MAK: variants seen among roughly 807,000 people sequenced by gnomAD.
MAK encodes male germ cell associated kinase, also known as serine/threonine-protein kinase MAK.
In MAK, 65 loss-of-function variants were observed where a neutral mutation model predicts 82.6. The ratio of observed to expected loss-of-function variants is 0.79; its 90% CI spans 0.64 to 0.97. The LOEUF (loss-of-function observed/expected upper bound fraction) is 0.97. MAK is among the 50% of genes least tolerant of loss of function. The pLI, the probability that MAK is intolerant of heterozygous loss-of-function variation, is 0.00. For missense variants in MAK, 703 were observed against 780.2 expected, an observed-to-expected ratio of 0.90 and a Z score of 1.18; for synonymous variants, 250 against 274.2, an observed-to-expected ratio of 0.91 and a Z score of 0.87.
chr6:10,810,919 C>T (rs1001113926), intron 5 of MAK, among the ~76,000 whole-genome samples: 2 of 152,112 alleles, frequency 1.3e-5, no homozygotes, highest in African/African-American at 2.4e-5. Flanking sequence ...TGAGGTTTTC[C>T]CCATCCTAAT....
chr6:10,835,168 G>C (rs1779074178), intron 1 of MAK, among the ~76,000 whole-genome samples: 1 of 152,200 alleles, frequency 6.6e-6, no homozygotes, highest in Admixed American at 6.5e-5. Flanking sequence ...TCTAACCTAA[G>C]CTCTTAAGAG....
chr6:10,764,669 G>T (rs886760970), intron 14 of MAK, 63 bp from the exon 15 acceptor site: 19 of 1,403,164 alleles, frequency 1.4e-5, no homozygotes, highest in East Asian at 9.1e-5. Context: ...TCAAAATAAA[G>T]AAATTCATCC....
chr6:10,779,282 G>T, intron 11 of MAK: 1 of 938,254 alleles, frequency 1.1e-6, no homozygotes, highest in Non-Finnish European at 1.3e-6. Context: ...ATTGCATACT[G>T]TATTTGCAAC....
intron 5 of MAK, among the ~76,000 whole-genome samples, chr6:10,812,693 T>TAA (rs936176917): frequency 1.3e-5 from 2 of 151,954 alleles, no homozygotes; most frequent in Admixed American, 1.3e-4. Context: ...TGACTGAGAC[T>TAA]AAAGGCTGAT....
At chr6:10,813,015 C>G (rs1348840030) in intron 5 of MAK, among the ~76,000 whole-genome samples, 12 of 139,216 alleles carry the variant, frequency 8.6e-5, no homozygotes, top group African/African-American at 2.4e-4. Context: ...TCCCCCCCCC[C>G]GCCTCGGCCT....
chr6:10,784,956 G>A (rs1227201712), intron 10 of MAK: 1 of 462,892 alleles, frequency 2.2e-6, no homozygotes, highest in Non-Finnish European at 4.3e-6. Flanking sequence ...GAGGTTGTTT[G>A]GGGCATGGTT....
At chr6:10,784,661 C>CTCGCCCACCCTCTGCACATG in intron 10 of MAK, 89 bp from the exon 11 acceptor site, 1 of 1,183,234 alleles carries the variant, frequency 8.5e-7, no homozygotes, top group African/African-American at 1.5e-5. Flanking sequence ...CTCTGCACAT[C>CTCGCCCACCCTCTGCACATG]TTCCTAAGCC....
chr6:10,785,146 A>G (rs1198667471), intron 10 of MAK, among the ~76,000 whole-genome samples: 2 of 152,160 alleles, frequency 1.3e-5, no homozygotes, highest in Non-Finnish European at 2.9e-5. Context: ...GGTGTTTGTT[A>G]GTATTAAGAC....
intron 11 of MAK, among the ~76,000 whole-genome samples, chr6:10,778,267 T>A (rs1053031318): frequency 6.6e-6 from 1 of 152,168 alleles, no homozygotes; most frequent in Non-Finnish European, 1.5e-5. Context: ...AGGGAGACAG[T>A]TTTAGTCATA....
intron 2 of MAK, among the ~76,000 whole-genome samples, chr6:10,827,396 A>G (rs1288674770): frequency 6.6e-6 from 1 of 152,176 alleles, no homozygotes; most frequent in Non-Finnish European, 1.5e-5. Flanking sequence ...TTACATAATC[A>G]TTTAATCTAC....
chr6:10,808,263 C>T (rs1208989537), intron 6 of MAK, among the ~76,000 whole-genome samples: 1 of 152,118 alleles, frequency 6.6e-6, no homozygotes, highest in East Asian at 1.9e-4. Flanking sequence ...CTCTTGATCT[C>T]AACATTGTCT....
At chr6:10,796,790 A>G (rs1775602430) in intron 8 of MAK, among the ~76,000 whole-genome samples, 1 of 136,830 alleles carries the variant, frequency 7.3e-6, no homozygotes, top group South Asian at 2.5e-4. Flanking sequence ...TAGGCAACAC[A>G]GCGAGACTCC....
At chr6:10,779,273 T>G in intron 11 of MAK, 3 of 927,120 alleles carry the variant, frequency 3.2e-6, no homozygotes, top group Non-Finnish European at 3.9e-6. Flanking sequence ...TAGCTTTCAA[T>G]TGCATACTGT....
At chr6:10,783,840 GA>G (rs1191762476) in intron 11 of MAK, among the ~76,000 whole-genome samples, 1 of 152,140 alleles carries the variant, frequency 6.6e-6, no homozygotes, top group South Asian at 2.1e-4. Flanking sequence ...CTAACACGGT[GA>G]AACACCATCT....
rs1263327522 is a variant in MAK, at chr6:10,784,799, TA to T, written c.1317-228del. The T allele has an allele frequency of 4.5e-6, 3 of 665,872 alleles. No homozygotes were observed. The East Asian group carries it at 8.8e-5, about 20-fold the overall frequency. 41.2% of individuals were successfully genotyped at this position (665,872 alleles called of 1,614,324 possible). A position where few individuals can be genotyped will look rare whatever the true frequency, so the allele number is the denominator to read the frequency against. On this transcript the variant is annotated intron_variant, in intron 10 of 14. Transcript: ENST00000354489. ...GATACCAGTATGTGACAGGAACCTT[TA>T]TAACTGAGCAGCAATTTACTTGTGT...
chr6:10,781,923 T>C (rs570162891), intron 11 of MAK, among the ~76,000 whole-genome samples: 2 of 152,102 alleles, frequency 1.3e-5, no homozygotes, highest in Admixed American at 6.6e-5. Flanking sequence ...AAAAATATTA[T>C]AGGGCTGGGT....
Position 10,813,635 on chromosome 6 carries a change from G to A in MAK, c.358+9C>T. On this transcript the variant is annotated intron_variant, in intron 5 of 14. Coordinates refer to ENST00000354489, the MANE Select transcript of MAK (RefSeq NM_001242957.3). The stretch of plus-strand genomic sequence containing the variant: ...AGAGGTAGGGAAATTAAACTTAAAA[G>A]AAACCTACCATGTTTATGGATAAAA... 1 of 1,518,356 alleles carries A rather than the reference G, an allele frequency of 6.6e-7. No homozygotes were observed. The highest frequency in any genetic ancestry group is 9.1e-7 in the Non-Finnish European group (1 of 1,093,230). The allele number at this position is 1,518,356 out of a possible 1,614,324, so 94.1% of individuals were successfully genotyped here. A position where few individuals can be genotyped will look rare whatever the true frequency, so the allele number is the denominator to read the frequency against.
chr6:10,781,255 G>A (rs952262194), intron 11 of MAK, among the ~76,000 whole-genome samples: 3 of 152,060 alleles, frequency 2.0e-5, no homozygotes, highest in African/African-American at 4.8e-5. Flanking sequence ...GTGTCATGAT[G>A]TGACAACTTC....
chr6:10,813,294 G>A lies in MAK; in HGVS notation c.358+350C>T, dbSNP rs186205554. Among the ~76,000 whole-genome samples, 1,036 of 146,578 alleles carry A rather than the reference G, an allele frequency of 7.1e-3. 18 individuals carry two copies. Among genetic ancestry groups the A allele is most frequent in the African/African-American group, 0.024 (968 of 39,614 alleles). ...CTCCTGAGTAGCTGGGATTACAGGC[G>A]CCCGCCACCACGCCCAGCTAATTTT... On this transcript the variant is annotated intron_variant, in intron 5 of 14. Transcript: ENST00000354489.
Sources: gnomAD v4.1 joint callset for allele counts (sites outside exome capture counted in the v4.1 genomes callset) on GRCh38, gnomAD v4.1.1 for gene constraint, MANE v1.5 for transcripts, NCBI Gene and HGNC (gene_info 2026-07-23, HGNC 2026-07-21) for gene names.